PPHLN1: variants seen among roughly 807,000 people sequenced by gnomAD.
PPHLN1 encodes the protein periphilin-1.
A neutral mutation model predicts 51.3 loss-of-function variants in PPHLN1; 29 were observed. The ratio of observed to expected loss-of-function variants is 0.57; its 90% CI spans 0.42 to 0.77. PPHLN1 has a LOEUF of 0.77. Among genes scored for constraint, PPHLN1 ranks in the 30% least tolerant of loss-of-function variants. The pLI is 0.00. For synonymous variants in PPHLN1, 147 were observed against 147.8 expected (o/e 0.99, Z 0.04); for missense variants, 436 against 438.4 (o/e 0.99, Z 0.05).
intron 9 of PPHLN1, among the ~76,000 whole-genome samples, chr12:42,430,035 A>G (rs1389111411): frequency 3.9e-5 from 6 of 152,122 alleles, no homozygotes; most frequent in Admixed American, 2.6e-4. Context: ...GAGGTAACCA[A>G]TGGCCGGGGG....
chr12:42,404,092 C>G (rs1160796509), intron 9 of PPHLN1, among the ~76,000 whole-genome samples: 2 of 150,768 alleles, frequency 1.3e-5, no homozygotes, highest in Non-Finnish European at 2.9e-5. Context: ...TATAAGTTCT[C>G]TCACAGAATT....
chr12:42,414,331 G>A (rs908691281), intron 9 of PPHLN1, among the ~76,000 whole-genome samples: 2 of 151,984 alleles, frequency 1.3e-5, no homozygotes, highest in African/African-American at 2.4e-5. Flanking sequence ...CACCGCGGCC[G>A]GCGATGTTGG....
chr12:42,447,973 C>T (rs2083377177), downstream of PPHLN1: 1 of 152,152 alleles, frequency 6.6e-6, no homozygotes, highest in Admixed American at 6.5e-5. Context: ...CATAACAACT[C>T]TGGTATTCTT....
chr12:42,345,226 C>T (rs1036353998), intron 2 of PPHLN1, among the ~76,000 whole-genome samples: 1 of 152,028 alleles, frequency 6.6e-6, no homozygotes, highest in African/African-American at 2.4e-5. Context: ...GTAAGCAAAC[C>T]AAAGAATTCT....
At chr12:42,362,690 A>G (rs1056699839) in intron 4 of PPHLN1, among the ~76,000 whole-genome samples, 2 of 152,212 alleles carry the variant, frequency 1.3e-5, no homozygotes, top group Admixed American at 6.5e-5. Context: ...ATGTGTATTC[A>G]TGACTATGAG....
chr12:42,375,577 T>C (rs904117249), intron 5 of PPHLN1, among the ~76,000 whole-genome samples: 1 of 152,156 alleles, frequency 6.6e-6, no homozygotes, highest in African/African-American at 2.4e-5. Flanking sequence ...CCCAAAGTGG[T>C]GGGATTACAG....
chr12:42,444,163 C>T (rs2083164097), downstream of PPHLN1: 1 of 152,046 alleles, frequency 6.6e-6, no homozygotes, highest in African/African-American at 2.4e-5. Context: ...CAGATGTCCT[C>T]ACCTTAGAAA....
chr12:42,354,691 A>G (rs1213673014), intron 3 of PPHLN1, among the ~76,000 whole-genome samples: 1 of 152,154 alleles, frequency 6.6e-6, no homozygotes, highest in Non-Finnish European at 1.5e-5. Context: ...ACAGTTTCTT[A>G]TATTGTTTCC....
chr12:42,421,840 C>T (rs998218894), intron 9 of PPHLN1, among the ~76,000 whole-genome samples: 1 of 151,044 alleles, frequency 6.6e-6, no homozygotes, highest in African/African-American at 2.4e-5. Context: ...GAGCAGTATA[C>T]TGGGAAGGTT....
At chr12:42,440,922 CT>C (rs2082891113) in intron 9 of PPHLN1, among the ~76,000 whole-genome samples, 1 of 152,210 alleles carries the variant, frequency 6.6e-6, no homozygotes, top group Admixed American at 6.5e-5. Flanking sequence ...AACAAAGAAT[CT>C]AAAGTTAGGG....
In PPHLN1 at chr12:42,362,410, C is replaced by G. The variant is rs571533522; in HGVS notation, c.299+7188C>G. 9.2e-3 allele frequency among the ~76,000 whole-genome samples: 1,397 copies of G among 152,100 alleles called. 13 individuals are homozygous for G. The highest frequency in any genetic ancestry group is 0.012 in the Non-Finnish European group (800 of 67,982). On this transcript the variant is annotated intron_variant, in intron 4 of 9. Coordinates refer to ENST00000358314, the MANE Select transcript of PPHLN1 (RefSeq NM_201439.2). ...TTTATCTAATTTTTTTCTTTTGTTA[C>G]TCATGCTTTTGGTGTCATATCTAAG...
intron 1 of PPHLN1, among the ~76,000 whole-genome samples, chr12:42,328,943 A>G (rs1245564995): frequency 2.0e-5 from 3 of 151,932 alleles, no homozygotes; most frequent in Non-Finnish European, 1.5e-5. Flanking sequence ...TGAACTCTCA[A>G]CCTCAAATGA....
intron 4 of PPHLN1, among the ~76,000 whole-genome samples, chr12:42,363,038 A>G (rs1051829147): frequency 1.3e-5 from 2 of 152,166 alleles, no homozygotes; most frequent in Admixed American, 6.5e-5. Flanking sequence ...CTAGGCTTAT[A>G]TCATGTTACC....
At chr12:42,415,296 C>T (rs975071092) in intron 9 of PPHLN1, among the ~76,000 whole-genome samples, 2 of 152,160 alleles carry the variant, frequency 1.3e-5, no homozygotes, top group African/African-American at 4.8e-5. Context: ...CTCAGCCTCC[C>T]GAGTAGCTGG....
downstream of PPHLN1, chr12:42,444,845 C>T (rs112121429): frequency 2.1e-3 from 1,178 of 566,378 alleles, 4 homozygotes; most frequent in African/African-American, 0.02. Context: ...CCATACCTAA[C>T]GCTGTAATGC....
intron 4 of PPHLN1, among the ~76,000 whole-genome samples, chr12:42,360,653 G>A (rs1209476275): frequency 1.3e-5 from 2 of 151,132 alleles, no homozygotes; most frequent in East Asian, 1.9e-4. Context: ...TGCCACCACC[G>A]CTGGCTAATT....
At chr12:42,402,354 T>C (rs2078918383) in intron 9 of PPHLN1, among the ~76,000 whole-genome samples, 1 of 152,362 alleles carries the variant, frequency 6.6e-6, no homozygotes, top group South Asian at 2.1e-4. Context: ...CCTTTCCTTA[T>C]TACAATTAGC....
intron 9 of PPHLN1, among the ~76,000 whole-genome samples, chr12:42,408,379 CT>C (rs35437760): frequency 2.0e-3 from 291 of 142,092 alleles, no homozygotes; most frequent in South Asian, 3.6e-3. Flanking sequence ...AGTGTGGTGG[CT>C]TTTTTTTTTT....
At chr12:42,436,118 A>G (rs1467140363) in intron 9 of PPHLN1, among the ~76,000 whole-genome samples, 1 of 152,190 alleles carries the variant, frequency 6.6e-6, no homozygotes, top group Non-Finnish European at 1.5e-5. Context: ...TCCAGTCAAT[A>G]TGTTTCTTTG....
Sources: gnomAD v4.1 joint callset for allele counts (sites outside exome capture counted in the v4.1 genomes callset) on GRCh38, gnomAD v4.1.1 for gene constraint, MANE v1.5 for transcripts, NCBI Gene and HGNC (gene_info 2026-07-23, HGNC 2026-07-21) for gene names.